The following ZNF211 variants were observed in gnomAD, a reference collection of about 807,000 sequenced individuals.
ZNF211 encodes the protein zinc finger protein C2H2-25.
In ZNF211, 18 loss-of-function variants were observed where a neutral mutation model predicts 12.1. That is an observed-to-expected ratio of 1.48 (90% CI 1.03 to 2.20). The LOEUF is 2.20. Among genes scored for constraint, ZNF211 ranks in the 30% most tolerant of loss-of-function variants. The probability of loss-of-function intolerance (pLI) is 0.00; values close to 1 mark genes in which losing one functional copy is unlikely to be tolerated. For synonymous variants in ZNF211, 249 were observed against 246.0 expected (o/e 1.01, Z -0.11); for missense variants, 677 against 703.1 (o/e 0.96, Z 0.42).
At chr19:57,634,001 T>C in intron 1 of ZNF211, 22 bp from the exon 2 acceptor site, 1 of 1,594,198 alleles carries the variant, frequency 6.3e-7, no homozygotes, top group South Asian at 1.1e-5. Flanking sequence ...CACATTCCTC[T>C]GAGGCCTGCG....
intron 3 of ZNF211, among the ~76,000 whole-genome samples, chr19:57,638,992 C>A (rs1233988616): frequency 6.6e-6 from 1 of 152,028 alleles, no homozygotes; most frequent in African/African-American, 2.4e-5. Context: ...GATTTAAAAT[C>A]TCTATTGTAT....
At chr19:57,633,860 G>A (rs1981779404) in intron 1 of ZNF211, 163 bp from the exon 2 acceptor site, 27 of 1,603,210 alleles carry the variant, frequency 1.7e-5, no homozygotes, top group Non-Finnish European at 2.2e-5. Flanking sequence ...ATTTTTCCAA[G>A]GCCACACAAC....
Position 57,640,003 on chromosome 19 carries a change from A to G in ZNF211, c.257-701A>G, listed in dbSNP as rs1033430070. ...ACAGGATGTTCATGACTCCAGCCTC[A>G]GCAAGATGGGATCAGAGAGGGCCTG... is the stretch of plus-strand genomic sequence containing the variant. On this transcript the variant is annotated intron_variant, in intron 3 of 3. Transcript: ENST00000240731. The G allele has an allele frequency of 1.3e-5, 20 of 1,535,934 alleles. No individual in the cohort carries two copies. In the African/African-American group the frequency reaches 2.3e-4, roughly 18 times the overall value.
Position 57,641,924 on chromosome 19 carries a change from C to A in ZNF211, c.1477C>A (p.Pro493Thr), listed in dbSNP as rs1304820224. The part of the protein sequence containing the change: ...NHQRVHTGER[P>T]VECSECSKSF... The stretch of plus-strand genomic sequence containing the variant: ...CCAGAGAGTTCACACTGGAGAAAGA[C>A]CTGTTGAGTGCAGTGAATGTAGCAA... Residue 493 changes from proline to threonine, a missense_variant, in exon 4 of 4, where the codon CCT becomes ACT. Transcript: ENST00000240731. 1 of 1,614,186 alleles carries A rather than the reference C, an allele frequency of 6.2e-7. No homozygotes were observed. The highest frequency in any genetic ancestry group is 2.2e-5 in the East Asian group (1 of 44,864).
chr19:57,640,867 AC>A lies in ZNF211; in HGVS notation c.421del (p.His141ThrfsTer50). The A allele has an allele frequency of 6.2e-7, 1 of 1,614,230 alleles. No individual in the cohort carries two copies. Among genetic ancestry groups the A allele is most frequent in the Non-Finnish European group, 8.5e-7 (1 of 1,180,038 alleles). On this transcript the variant is annotated frameshift_variant, in exon 4 of 4. Transcript: ENST00000240731. LOFTEE classifies it low-confidence loss of function (END_TRUNC). ...TGAGAGATATTTTGCACTTGGCTGA[AC>A]ACCAAGGAACAAACTGCGGGCAGAA... ...VLRDILHLAE[H>X]QGTNCGQKLH...
chr19:57,642,767 T>C lies in ZNF211; in HGVS notation c.*586T>C, dbSNP rs1338193864. The C allele has an allele frequency of 2.6e-5, 4 of 152,768 alleles. No homozygotes were observed. 9.5% of individuals were successfully genotyped at this position (152,768 alleles called of 1,614,324 possible). On this transcript the variant is annotated 3_prime_UTR_variant, in exon 4 of 4. Transcript: ENST00000240731. ...ATAATAAAAGCATTATTATTTAAGC[T>C]ACCTTTATCTTGGCATTTGATTCAC... is the stretch of plus-strand genomic sequence containing the variant.
At chr19:57,639,223 A>G (rs1982535514) in intron 3 of ZNF211, among the ~76,000 whole-genome samples, 3 of 151,800 alleles carry the variant, frequency 2.0e-5, no homozygotes, top group South Asian at 2.1e-4. Flanking sequence ...TAAGGCATTT[A>G]CGTTTAAGGT....
At chr19:57,638,962 T>A (rs1291367382) in intron 3 of ZNF211, among the ~76,000 whole-genome samples, 1 of 152,226 alleles carries the variant, frequency 6.6e-6, no homozygotes, top group Admixed American at 6.5e-5. Context: ...TATCCTTTTA[T>A]ATCTCTTGTT....
At chr19:57,634,850 C>T in intron 3 of ZNF211, 95 bp downstream of exon 3, 1 of 1,353,332 alleles carries the variant, frequency 7.4e-7, no homozygotes, top group Non-Finnish European at 9.6e-7. Flanking sequence ...GGACTATAGG[C>T]ACTGCCTCCT....
In ZNF211 at chr19:57,640,764, G is replaced by C; in HGVS notation, c.317G>C (p.Arg106Thr). 6.2e-7 allele frequency: 1 copy of C among 1,614,244 alleles called. No individual in the cohort carries two copies. The highest frequency in any genetic ancestry group is 8.5e-7 in the Non-Finnish European group (1 of 1,180,050). The change falls in exon 4 of 4, where the codon AGA becomes ACA. Residue 106 changes from arginine to threonine, a missense_variant. Transcript: ENST00000240731. ...TCTGAACAGAGAATTTCTGGAGAAA[G>C]AGTGCCACAGTTCAGGACTTCCAAA... The part of the protein sequence containing the change: ...TPSEQRISGE[R>T]VPQFRTSKEG...
Position 57,641,995 on chromosome 19 carries a change from C to T in ZNF211, c.1548C>T (p.His516=). ...ACCTCATTAAACACCTGAGAGTTCA[C>T]ACTGGAGAAAGGCCTTATGAGTGCA... The part of the protein sequence containing the change: ...KSNLIKHLRV[H]TGERPYECSE... Residue 516 remains histidine, a synonymous_variant, in exon 4 of 4, where the codon CAC becomes CAT. Coordinates refer to ENST00000240731, the MANE Select transcript of ZNF211 (RefSeq NM_006385.5). 2 of 1,614,176 alleles carry T rather than the reference C, an allele frequency of 1.2e-6. No homozygotes were observed. The highest frequency in any genetic ancestry group is 1.7e-6 in the Non-Finnish European group (2 of 1,180,030).
chr19:57,633,190 C>T lies in ZNF211; in HGVS notation c.-157C>T. 1 of 671,610 alleles carries T rather than the reference C, an allele frequency of 1.5e-6. No homozygotes were observed. Among genetic ancestry groups the T allele is most frequent in the Non-Finnish European group, 2.4e-6 (1 of 424,482 alleles). The allele number at this position is 671,610 out of a possible 1,614,324, so 41.6% of individuals were successfully genotyped here. A position where few individuals can be genotyped will look rare whatever the true frequency, so the allele number is the denominator to read the frequency against. On this transcript the variant is annotated 5_prime_UTR_variant, in exon 1 of 4. Coordinates refer to ENST00000240731, the MANE Select transcript of ZNF211 (RefSeq NM_006385.5). ...CCCAGGGCGGGACTTGTGGCGTCTT[C>T]GCAGCGGTCATTTTGGCTGCCCTCC...
At position 57,641,551 on chromosome 19, in the gene ZNF211, C is replaced by T; in HGVS notation, c.1104C>T (p.Asn368=). The T allele has an allele frequency of 6.2e-7, 1 of 1,613,976 alleles. No homozygotes were observed. Among genetic ancestry groups the T allele is most frequent in the Non-Finnish European group, 8.5e-7 (1 of 1,180,002 alleles). Residue 368 remains asparagine, a synonymous_variant, in exon 4 of 4, where the codon AAC becomes AAT. Coordinates refer to ENST00000240731, the MANE Select transcript of ZNF211 (RefSeq NM_006385.5). ...GGAAATCTTTTAGCCAAAGGTCCAA[C>T]CTCATGCAGCATCGCAGAGTTCACA... ...ECGKSFSQRS[N]LMQHRRVHTG...
In ZNF211 at chr19:57,633,225, G is replaced by A. The variant is rs925245885; in HGVS notation, c.-122G>A. 7.8e-6 allele frequency: 8 copies of A among 1,031,374 alleles called. No homozygotes were observed. Among genetic ancestry groups the A allele is most frequent in the Non-Finnish European group, 1.1e-5 (8 of 748,812 alleles). The allele number at this position is 1,031,374 out of a possible 1,614,324, so 63.9% of individuals were successfully genotyped here. The stretch of plus-strand genomic sequence containing the variant: ...ATTTTGGCTGCCCTCCCGGAGGTCC[G>A]TTCTGTCTGTCAGCCGCTTTGGTAC... On this transcript the variant is annotated 5_prime_UTR_variant, in exon 1 of 4. Coordinates refer to ENST00000240731, the MANE Select transcript of ZNF211 (RefSeq NM_006385.5).
intron 3 of ZNF211, among the ~76,000 whole-genome samples, chr19:57,635,485 T>G (rs1342934776): frequency 3.3e-5 from 5 of 152,242 alleles, no homozygotes; most frequent in African/African-American, 4.8e-5. Flanking sequence ...ATGAGTGGGA[T>G]CACACAATAT....
At position 57,633,214 on chromosome 19, in the gene ZNF211, C is replaced by G; in HGVS notation, c.-133C>G. On this transcript the variant is annotated 5_prime_UTR_variant, in exon 1 of 4. Transcript: ENST00000240731. ...TCGCAGCGGTCATTTTGGCTGCCCT[C>G]CCGGAGGTCCGTTCTGTCTGTCAGC... 2 of 914,526 alleles carry G rather than the reference C, an allele frequency of 2.2e-6. No homozygotes were observed. Among genetic ancestry groups the G allele is most frequent in the Non-Finnish European group, 1.5e-6 (1 of 646,150 alleles). 56.7% of individuals were successfully genotyped at this position (914,526 alleles called of 1,614,324 possible). A position where few individuals can be genotyped will look rare whatever the true frequency, so the allele number is the denominator to read the frequency against.
intron 3 of ZNF211, among the ~76,000 whole-genome samples, chr19:57,637,499 C>T (rs1275598328): frequency 1.3e-5 from 2 of 152,270 alleles, no homozygotes; most frequent in East Asian, 3.9e-4. Flanking sequence ...AAGCGATCCT[C>T]CTGCCTCAGC....
rs1405814272 is a variant in ZNF211 at position 57,633,228 on chromosome 19, C to T, written c.-119C>T. On this transcript the variant is annotated 5_prime_UTR_variant, in exon 1 of 4. Transcript: ENST00000240731. ...TTGGCTGCCCTCCCGGAGGTCCGTT[C>T]TGTCTGTCAGCCGCTTTGGTACGCT... is the stretch of plus-strand genomic sequence containing the variant. 6.7e-6 allele frequency: 7 copies of T among 1,050,170 alleles called. No homozygotes were observed. The highest frequency in any genetic ancestry group is 7.8e-6 in the Non-Finnish European group (6 of 764,530). 65.1% of individuals were successfully genotyped at this position (1,050,170 alleles called of 1,614,324 possible). A position where few individuals can be genotyped will look rare whatever the true frequency, so the allele number is the denominator to read the frequency against.
At position 57,641,608 on chromosome 19, in the gene ZNF211, TG is replaced by T; in HGVS notation, c.1164del (p.Lys389AsnfsTer9). ...GERPYECSEC[G>X]KSFSQNFSLI... ...AAAGGCCTTATGAATGCAGCGAATGTGGGAAATCTTTTAGCCAAAACTTTAG... is the reference window on the plus strand; with the variant it reads ...AAAGGCCTTATGAATGCAGCGAATGTGGAAATCTTTTAGCCAAAACTTTAG... On this transcript the variant is annotated frameshift_variant, in exon 4 of 4. Coordinates refer to ENST00000240731, the MANE Select transcript of ZNF211 (RefSeq NM_006385.5). LOFTEE classifies it low-confidence loss of function (END_TRUNC). The T allele has an allele frequency of 6.2e-7, 1 of 1,613,300 alleles. No individual in the cohort carries two copies. The highest frequency in any genetic ancestry group is 8.5e-7 in the Non-Finnish European group (1 of 1,179,498).
Sources: gnomAD v4.1 joint callset for allele counts (sites outside exome capture counted in the v4.1 genomes callset) on GRCh38, gnomAD v4.1.1 for gene constraint, MANE v1.5 for transcripts, NCBI Gene and HGNC (gene_info 2026-07-23, HGNC 2026-07-21) for gene names.